SVIL: variants seen among roughly 807,000 people sequenced by gnomAD.
The protein encoded by SVIL is supervillin, also known as archvillin.
SVIL carries 101 observed loss-of-function variants against 240.4 expected under a neutral mutation model. The observed-to-expected ratio is 0.42, with a 90% CI of 0.36 to 0.50. The LOEUF (loss-of-function observed/expected upper bound fraction) is 0.50, where lower values mean the gene tolerates loss of function less well. Among genes scored for constraint, SVIL ranks in the 20% least tolerant of loss-of-function variants. The pLI is 0.01. For missense variants in SVIL, 2,512 were observed against 2,818.7 expected (o/e 0.89, Z 2.46); for synonymous variants, 999 against 1,100.0 (o/e 0.91, Z 1.82).
At chr10:29,587,821 A>G (rs1438007668) in intron 1 of SVIL, among the ~76,000 whole-genome samples, 2 of 152,196 alleles carry the variant, frequency 1.3e-5, no homozygotes, top group African/African-American at 4.8e-5. Context: ...TCAGGGGAAC[A>G]ATTCTTAGCA....
chr10:29,637,815 T>A (rs1958361628), upstream of SVIL, among the ~76,000 whole-genome samples: 1 of 152,214 alleles, frequency 6.6e-6, no homozygotes, highest in African/African-American at 2.4e-5. Context: ...ACGACCTGGA[T>A]AAGAATCCAG....
intron 1 of SVIL, among the ~76,000 whole-genome samples, chr10:29,715,242 T>C (rs1182156206): frequency 6.6e-6 from 1 of 152,240 alleles, no homozygotes; most frequent in Non-Finnish European, 1.5e-5. Flanking sequence ...GAATGCTTTA[T>C]ATCATTATTT....
rs1280764526 is a variant in SVIL, at chr10:29,458,275, T to C, written c.6617A>G (p.Asn2206Ser). 6.2e-7 allele frequency: 1 copy of C among 1,614,250 alleles called. No homozygotes were observed. The highest frequency in any genetic ancestry group is 8.5e-7 in the Non-Finnish European group (1 of 1,180,048). The change falls in exon 38 of 38, where the codon AAC becomes AGC. Residue 2206 changes from asparagine to serine, a missense_variant. Asn to Ser is a conservative substitution (Grantham distance 46). Around this residue, in one of 3 missense-constraint regions of SVIL, gnomAD observed 797 missense variants for 925.3 expected, o/e 0.86. Coordinates refer to ENST00000355867, the MANE Select transcript of SVIL (RefSeq NM_021738.3). ...GAACAGGCCTTTTGCTTTCTTCAGGTTCACCTGCTTCCAGGCGGGCAGGGC... is the reference window on the plus strand; with the variant it reads ...GAACAGGCCTTTTGCTTTCTTCAGGCTCACCTGCTTCCAGGCGGGCAGGGC... ...YNALPAWKQV[N>S]LKKAKGLF
intron 1 of SVIL, among the ~76,000 whole-genome samples, chr10:29,724,248 C>T (rs748227155): frequency 8.2e-5 from 12 of 146,856 alleles, no homozygotes; most frequent in Admixed American, 1.4e-4. Context: ...AAAACATAAA[C>T]TGCTTTCACT....
At chr10:29,667,709 G>C (rs1959424979) in intron 2 of SVIL, among the ~76,000 whole-genome samples, 1 of 152,016 alleles carries the variant, frequency 6.6e-6, no homozygotes, top group South Asian at 2.1e-4. Context: ...AATAAGCCAG[G>C]TGTGGTGGTG....
intron 29 of SVIL, among the ~76,000 whole-genome samples, chr10:29,476,668 ACT>A: frequency 6.6e-6 from 1 of 152,062 alleles, no homozygotes; most frequent in South Asian, 2.1e-4. Flanking sequence ...GCTTCCCAAA[ACT>A]CTGGGGTTAC....
chr10:29,633,870 T>C (rs538021030), intron 1 of SVIL, among the ~76,000 whole-genome samples: 1 of 152,282 alleles, frequency 6.6e-6, no homozygotes, highest in African/African-American at 2.4e-5. Flanking sequence ...AGTGAGGTTT[T>C]TCTCATAAAT....
At chr10:29,547,773 A>T (rs1010337187) in intron 6 of SVIL, among the ~76,000 whole-genome samples, 2 of 152,234 alleles carry the variant, frequency 1.3e-5, no homozygotes, top group Non-Finnish European at 2.9e-5. Flanking sequence ...ATACCGTGAT[A>T]ACGACTTCAA....
intron 1 of SVIL, among the ~76,000 whole-genome samples, chr10:29,592,895 G>T (rs1564680524): frequency 6.6e-6 from 1 of 152,012 alleles, no homozygotes; most frequent in Non-Finnish European, 1.5e-5. Context: ...CTAGCAAAAG[G>T]GTGGTGGAAA....
At chr10:29,637,035 C>A (rs1393597415), upstream of SVIL, among the ~76,000 whole-genome samples, 1 of 152,132 alleles carries the variant, frequency 6.6e-6, no homozygotes, top group East Asian at 1.9e-4. Flanking sequence ...TCTTGAACTC[C>A]TGGGCTCCAG....
intron 1 of SVIL, among the ~76,000 whole-genome samples, chr10:29,631,393 C>G (rs1343617333): frequency 6.7e-6 from 1 of 149,192 alleles, no homozygotes; most frequent in Non-Finnish European, 1.5e-5. Context: ...CCTGTAATCC[C>G]AGCACTTTGG....
chr10:29,478,924 C>CAAAAAAAAAA (rs71020791), intron 29 of SVIL, among the ~76,000 whole-genome samples: 1 of 63,038 alleles, frequency 1.6e-5, no homozygotes, highest in African/African-American at 5.6e-5. Context: ...AACCCTGTCT[C>CAAAAAAAAAA]AAAAAAAAAA....
At chr10:29,546,643 G>C (rs1952717328) in intron 6 of SVIL, among the ~76,000 whole-genome samples, 1 of 152,144 alleles carries the variant, frequency 6.6e-6, no homozygotes, top group Non-Finnish European at 1.5e-5. Flanking sequence ...ATGTGTACAG[G>C]TGTTAATGTA....
intron 3 of SVIL, among the ~76,000 whole-genome samples, chr10:29,654,485 T>C (rs1958937101): frequency 6.6e-6 from 1 of 152,180 alleles, no homozygotes; most frequent in Non-Finnish European, 1.5e-5. Flanking sequence ...AAAGATAGTT[T>C]TACCTTTTCT....
chr10:29,591,009 C>G (rs1383069682), intron 1 of SVIL, among the ~76,000 whole-genome samples: 1 of 152,200 alleles, frequency 6.6e-6, no homozygotes, highest in East Asian at 1.9e-4. Flanking sequence ...CAAATTATTT[C>G]ATTCATCCAC....
intron 1 of SVIL, among the ~76,000 whole-genome samples, chr10:29,721,383 A>G (rs1034841035): frequency 7.2e-5 from 11 of 152,202 alleles, no homozygotes; most frequent in African/African-American, 2.4e-4. Flanking sequence ...TAGTTACATT[A>G]AACGTAAGTA....
chr10:29,471,013 AG>A (rs1203748004), intron 31 of SVIL, 124 bp downstream of exon 31: 1 of 863,118 alleles, frequency 1.2e-6, no homozygotes, highest in African/African-American at 1.7e-5. Context: ...GGCAAACATC[AG>A]GAGGCTTTCA....
In SVIL at chr10:29,550,679, C is replaced by T. The variant is rs373559551; in HGVS notation, c.745G>A (p.Ala249Thr). ...GCCTGCTGCAGGGAGGAGCTGTGGG[C>T]GTGCTTGGGGGACCGTGGCACTTCA... ...FTEVPRSPKHAHSSSLQQAAS... is the reference protein window; with the variant it reads ...FTEVPRSPKHTHSSSLQQAAS... The change falls in exon 6 of 38, where the codon GCC (alanine) becomes ACC (threonine). Residue 249 changes from alanine (A) to threonine (T), a missense_variant. Physicochemically the swap from Ala to Thr is moderately conservative, Grantham distance 58 (BLOSUM62 0). Coordinates refer to ENST00000355867, the MANE Select transcript of SVIL (RefSeq NM_021738.3). The T allele has an allele frequency of 2.5e-5, 40 of 1,613,854 alleles. No individual in the cohort carries two copies. The highest frequency in any genetic ancestry group is 3.1e-5 in the Non-Finnish European group (37 of 1,179,950).
At chr10:29,717,522 A>G (rs1189138232) in intron 1 of SVIL, among the ~76,000 whole-genome samples, 1 of 152,134 alleles carries the variant, frequency 6.6e-6, no homozygotes, top group African/African-American at 2.4e-5. Context: ...TCCATAAGAA[A>G]ATGTTGGGGA....
Sources: gnomAD v4.1 joint callset for allele counts (sites outside exome capture counted in the v4.1 genomes callset) on GRCh38, gnomAD v4.1.1 for gene constraint, gnomAD v4.1.1 regional missense constraint, MANE v1.5 for transcripts, NCBI Gene and HGNC (gene_info 2026-07-23, HGNC 2026-07-21) for gene names.